Variants in FAM110A observed in about 807,000 individuals in gnomAD.
FAM110A encodes family with sequence similarity 110 member A, also known as protein FAM110A.
FAM110A carries 1 observed loss-of-function variant against 4.0 expected under a neutral mutation model. The ratio of observed to expected loss-of-function variants is 0.25; its 90% CI spans 0.09 to 1.20. The LOEUF (loss-of-function observed/expected upper bound fraction) is 1.20. Among genes scored for constraint, FAM110A ranks in the 50% most tolerant of loss-of-function variants. The pLI, the probability that FAM110A is intolerant of heterozygous loss-of-function variation, is 0.50. For synonymous variants in FAM110A, 217 were observed against 196.8 expected (o/e 1.10, Z -0.86); for missense variants, 436 against 429.2 (o/e 1.02, Z -0.14).
chr20:845,845 C>A lies in FAM110A; in HGVS notation c.*153C>A. ...GGCAAAGGCTTAGAGGCTGGACCAG[C>A]ATTGTTGGGCAAGGACTGACTCTCC... On this transcript the variant is annotated 3_prime_UTR_variant, in exon 2 of 2. Coordinates refer to ENST00000381941, the MANE Select transcript of FAM110A (RefSeq NM_001042353.3). 2 of 1,442,086 alleles carry A rather than the reference C, an allele frequency of 1.4e-6. No homozygotes were observed. The highest frequency in any genetic ancestry group is 2.5e-5 in the East Asian group (1 of 39,914). 89.3% of individuals were successfully genotyped at this position (1,442,086 alleles called of 1,614,324 possible).
Position 837,045 on chromosome 20 carries a change from G to GTTTTT in FAM110A, c.-98+3114_-98+3118dup, listed in dbSNP as rs71191980. 3.2e-3 allele frequency among the ~76,000 whole-genome samples: 263 copies of GTTTTT among 82,884 alleles called. 3 individuals are homozygous for GTTTTT. The highest frequency in any genetic ancestry group is 3.8e-3 in the Non-Finnish European group (163 of 42,954). 54.4% of individuals were successfully genotyped at this position (82,884 alleles called of 152,430 possible). On this transcript the variant is annotated intron_variant, in intron 1 of 1. Coordinates refer to ENST00000381941, the MANE Select transcript of FAM110A (RefSeq NM_001042353.3). ...ATGTCTGTTCAAGTGACTCTGCATT[G>GTTTTT]TTTTTTTTTTTTTTTTTTTTTTTTG...
intron 1 of FAM110A, among the ~76,000 whole-genome samples, chr20:843,452 A>G (rs1258888156): frequency 6.6e-6 from 1 of 152,202 alleles, no homozygotes; most frequent in Non-Finnish European, 1.5e-5. Context: ...AAATGCCACT[A>G]GTGTAGCTCA....
At chr20:841,714 TC>T (rs1227466396) in intron 1 of FAM110A, among the ~76,000 whole-genome samples, 1 of 152,112 alleles carries the variant, frequency 6.6e-6, no homozygotes, top group Non-Finnish European at 1.5e-5. Flanking sequence ...GTTGGGGGCA[TC>T]CGTGGGAGGC....
intron 1 of FAM110A, among the ~76,000 whole-genome samples, chr20:844,178 G>T (rs770935547): frequency 6.6e-6 from 1 of 152,238 alleles, no homozygotes; most frequent in East Asian, 1.9e-4. Flanking sequence ...CAGGTGGGGT[G>T]TGGGGCTGGA....
Position 840,563 on chromosome 20 carries a change from C to T in FAM110A, c.-97-4145C>T, listed in dbSNP as rs1034625406. ...TAAATGAGTATGGTGCCTGGCACCC[C>T]AAAATTCTAGTTATTGTTGTTACTA... is the stretch of plus-strand genomic sequence containing the variant. On this transcript the variant is annotated intron_variant, in intron 1 of 1. Transcript: ENST00000381941. The surrounding 1 kb of genome is among the most constrained non-coding windows in gnomAD (Gnocchi z 4.4). Among the ~76,000 whole-genome samples the T allele has an allele frequency of 6.6e-6, 1 of 151,994 alleles. No individual in the cohort carries two copies. Among genetic ancestry groups the T allele is most frequent in the Admixed American group, 6.6e-5 (1 of 15,266 alleles).
chr20:839,925 TC>T (rs937791354), intron 1 of FAM110A: 5 of 1,578,316 alleles, frequency 3.2e-6, no homozygotes, highest in Admixed American at 1.7e-5. Flanking sequence ...CATGACTCCC[TC>T]CTTAAAAAGG....
At chr20:844,645 G>C (rs1161317769) in intron 1 of FAM110A, 63 bp from the exon 2 acceptor site, 15 of 1,198,194 alleles carry the variant, frequency 1.3e-5, no homozygotes, top group South Asian at 2.4e-5. Flanking sequence ...TCTCAGCCGC[G>C]GCTGAGCCTC....
chr20:835,642 T>C (rs1257028606), intron 1 of FAM110A, among the ~76,000 whole-genome samples: 1 of 152,218 alleles, frequency 6.6e-6, no homozygotes, highest in Admixed American at 6.5e-5. Flanking sequence ...TTCCACAGCC[T>C]ACTCCCTTCT....
rs1568794169 is a variant in FAM110A, at chr20:845,414, C to A, written c.610C>A (p.Arg204Ser). Reference sequence around the variant, plus strand: ...TTCTAGGGCAGCCGCTGATCTCGAGCGCTTTTTTAACTTCTGCGGCCTGGA... The same window carrying A: ...TTCTAGGGCAGCCGCTGATCTCGAGAGCTTTTTTAACTTCTGCGGCCTGGA... ...RFSRAAADLERFFNFCGLDPE... is the reference protein window; with the variant it reads ...RFSRAAADLESFFNFCGLDPE... Residue 204 changes from arginine to serine, a missense_variant, in exon 2 of 2, where the codon CGC (arginine) becomes AGC (serine). Transcript: ENST00000381941. 6.2e-7 allele frequency: 1 copy of A among 1,613,770 alleles called. No individual in the cohort carries two copies. Among genetic ancestry groups the A allele is most frequent in the Non-Finnish European group, 8.5e-7 (1 of 1,179,890 alleles).
rs1599998710 is a variant in FAM110A at position 833,911 on chromosome 20, CT to C, written c.-137del. The C allele has an allele frequency of 1.3e-5, 2 of 152,258 alleles. No individual in the cohort carries two copies. The highest frequency in any genetic ancestry group is 6.5e-5 in the Admixed American group (1 of 15,288). The allele number at this position is 152,258 out of a possible 1,614,324, so 9.4% of individuals were successfully genotyped here. A position where few individuals can be genotyped will look rare whatever the true frequency, so the allele number is the denominator to read the frequency against. On this transcript the variant is annotated 5_prime_UTR_variant, in exon 1 of 2. Coordinates refer to ENST00000381941, the MANE Select transcript of FAM110A (RefSeq NM_001042353.3). This position sits in a 1 kb window ranked among gnomAD's most constrained non-coding sequence, Gnocchi z 4.1. ...TCCGAGCTGTCAGCCTCTCCAAAGC[CT>C]GCGCGAGAGGAGCCGGGACACGCCT... is the stretch of plus-strand genomic sequence containing the variant.
intron 1 of FAM110A, among the ~76,000 whole-genome samples, chr20:842,225 C>T (rs1288987556): frequency 2.6e-5 from 4 of 152,230 alleles, no homozygotes; most frequent in Non-Finnish European, 5.9e-5. Context: ...GGGCCCGCGG[C>T]GCCAAACCCG....
intron 1 of FAM110A, chr20:839,899 C>T: frequency 1.9e-6 from 3 of 1,602,446 alleles, no homozygotes; most frequent in Non-Finnish European, 1.7e-6. Flanking sequence ...GGCATGTGGA[C>T]ATCCTTCTTG....
intron 1 of FAM110A, among the ~76,000 whole-genome samples, chr20:838,671 C>T (rs1979710221): frequency 6.6e-6 from 1 of 152,064 alleles, no homozygotes; most frequent in Admixed American, 6.5e-5. Context: ...ACAGCTGGTG[C>T]AAAAGCCCTG....
Position 845,216 on chromosome 20 carries a change from C to T in FAM110A, c.412C>T (p.Pro138Ser). 1 of 1,546,118 alleles carries T rather than the reference C, an allele frequency of 6.5e-7. No individual in the cohort carries two copies. The highest frequency in any genetic ancestry group is 1.2e-5 in the South Asian group (1 of 83,120). ...GRAEGAGRPP[P>S]ATPPRPPPST... ...GGCCGAGGGAGCCGGCCGTCCTCCC[C>T]CAGCCACCCCTCCGCGACCGCCGCC... is the stretch of plus-strand genomic sequence containing the variant. The change falls in exon 2 of 2, where the codon CCA becomes TCA. Residue 138 changes from proline to serine, a missense_variant. Physicochemically the swap from Pro to Ser is moderately conservative, Grantham distance 74. Coordinates refer to ENST00000381941, the MANE Select transcript of FAM110A (RefSeq NM_001042353.3).
Position 834,296 on chromosome 20 carries a change from C to T in FAM110A, c.-98+345C>T, listed in dbSNP as rs193037772. ...GCCCCACACTGTCCTCGGGATACCC[C>T]CTTTGGGCGTCTGTCTTTCCTTCTC... On this transcript the variant is annotated intron_variant, in intron 1 of 1. Coordinates refer to ENST00000381941, the MANE Select transcript of FAM110A (RefSeq NM_001042353.3). The surrounding 1 kb of genome is among the most constrained non-coding windows in gnomAD (Gnocchi z 5.6). Among the ~76,000 whole-genome samples the T allele has an allele frequency of 3.0e-4, 45 of 152,332 alleles. No homozygotes were observed. Among genetic ancestry groups the T allele is most frequent in the African/African-American group, 1.1e-3 (45 of 41,588 alleles).
chr20:844,960 G>A lies in FAM110A; in HGVS notation c.156G>A (p.Lys52=), dbSNP rs1475326971. 2 of 1,594,598 alleles carry A rather than the reference G, an allele frequency of 1.3e-6. No individual in the cohort carries two copies. Among genetic ancestry groups the A allele is most frequent in the African/African-American group, 1.3e-5 (1 of 74,374 alleles). The change falls in exon 2 of 2, where the codon AAG becomes AAA. Residue 52 remains lysine, a synonymous_variant. Coordinates refer to ENST00000381941, the MANE Select transcript of FAM110A (RefSeq NM_001042353.3). The stretch of plus-strand genomic sequence containing the variant: ...AGCGCCTGGAGGCCGACAAGGCCAA[G>A]TACGTCAAGAGCCTGCACGTGGCCA... The part of the protein sequence containing the change: ...AVERLEADKA[K]YVKSLHVANT...
intron 1 of FAM110A, 110 bp from the exon 2 acceptor site, chr20:844,598 G>A: frequency 3.0e-6 from 2 of 669,042 alleles, no homozygotes; most frequent in Admixed American, 4.1e-5. Flanking sequence ...GTGGAGGGGC[G>A]TGGTCTCTAC....
chr20:842,134 G>A (rs1174152009), intron 1 of FAM110A, among the ~76,000 whole-genome samples: 1 of 152,242 alleles, frequency 6.6e-6, no homozygotes, highest in African/African-American at 2.4e-5. Context: ...TCGTTTCACG[G>A]ATAAGGTAAC....
intron 1 of FAM110A, chr20:839,688 G>A: frequency 8.1e-7 from 1 of 1,229,210 alleles, no homozygotes; most frequent in South Asian, 1.2e-5. Context: ...AATCTCCGGG[G>A]GCAGATGTAG....
Sources: gnomAD v4.1 joint callset for allele counts (sites outside exome capture counted in the v4.1 genomes callset) on GRCh38, gnomAD v4.1.1 for gene constraint, Gnocchi (gnomAD v3.1) non-coding constraint, MANE v1.5 for transcripts, NCBI Gene and HGNC (gene_info 2026-07-23, HGNC 2026-07-21) for gene names.